ST6GAL2: variants seen among roughly 807,000 people sequenced by gnomAD.
ST6GAL2 encodes beta-galactoside alpha-2,6-sialyltransferase 2.
ST6GAL2 carries 24 observed loss-of-function variants against 37.5 expected under a neutral mutation model. The ratio of observed to expected loss-of-function variants is 0.64; its 90% CI spans 0.46 to 0.90. ST6GAL2 has a LOEUF of 0.90. Ranked by LOEUF, ST6GAL2 falls within the 40% of genes least tolerant of loss-of-function variation. The pLI, the probability that ST6GAL2 is intolerant of heterozygous loss-of-function variation, is 0.00. For missense variants in ST6GAL2, 715 were observed against 712.7 expected (o/e 1.00, Z -0.04); for synonymous variants, 306 against 295.1 (o/e 1.04, Z -0.38).
intron 1 of ST6GAL2, among the ~76,000 whole-genome samples, chr2:106,879,908 T>C (rs1022348254): frequency 2.0e-5 from 3 of 148,116 alleles, no homozygotes; most frequent in Non-Finnish European, 3.0e-5. Flanking sequence ...ACCAATTATA[T>C]ACTATTATAC....
At position 106,844,008 on chromosome 2, in the gene ST6GAL2, T is replaced by C; in HGVS notation, c.-31A>G. On this transcript the variant is annotated 5_prime_UTR_variant, in exon 2 of 6. Coordinates refer to ENST00000409382, the MANE Select transcript of ST6GAL2 (RefSeq NM_001142351.2). ...GTCTCTGCGGTCAGCACCTTGTGTC[T>C]TAATGCAGATGGGTGGCAGAATGAA... The C allele has an allele frequency of 2.0e-6, 3 of 1,518,362 alleles. No individual in the cohort carries two copies. Among genetic ancestry groups the C allele is most frequent in the Non-Finnish European group, 2.6e-6 (3 of 1,134,102 alleles). 94.1% of individuals were successfully genotyped at this position (1,518,362 alleles called of 1,614,324 possible).
chr2:106,844,341 C>T (rs79131475), intron 1 of ST6GAL2, among the ~76,000 whole-genome samples: 18,292 of 151,924 alleles, frequency 0.12, 1,402 homozygotes, highest in South Asian at 0.18. Flanking sequence ...GACACGTCTG[C>T]CTTCCCACTT....
At position 106,822,121 on chromosome 2, in the gene ST6GAL2, C is replaced by CACTGTT. The variant is rs1431814819; in HGVS notation, c.1318+7939_1318+7944dup. Among the ~76,000 whole-genome samples, 10 of 152,250 alleles carry CACTGTT rather than the reference C, an allele frequency of 6.6e-5. No individual in the cohort carries two copies. In the East Asian group the frequency reaches 1.7e-3, roughly 27 times the overall value. Reference sequence around the variant, plus strand: ...ATATGGCAAGGATGCCCACTTTCATCACTGTTATTCAACATAGCACTGAAA... The same window carrying CACTGTT: ...ATATGGCAAGGATGCCCACTTTCATCACTGTTACTGTTATTCAACATAGCACTGAAA... On this transcript the variant is annotated intron_variant, in intron 5 of 5. Transcript: ENST00000409382.
intron 5 of ST6GAL2, among the ~76,000 whole-genome samples, chr2:106,814,581 T>C (rs531071940): frequency 2.6e-5 from 4 of 151,990 alleles, no homozygotes; most frequent in Non-Finnish European, 5.9e-5. Flanking sequence ...TCCACGTCTA[T>C]GTGTATGTTG....
At chr2:106,860,083 C>G (rs1014216037) in intron 1 of ST6GAL2, among the ~76,000 whole-genome samples, 1 of 152,084 alleles carries the variant, frequency 6.6e-6, no homozygotes, top group Non-Finnish European at 1.5e-5. Context: ...TTGGCTTCCT[C>G]CTAGTTTTGT....
chr2:106,836,796 AAT>A (rs1676661533), intron 2 of ST6GAL2, among the ~76,000 whole-genome samples: 1 of 148,634 alleles, frequency 6.7e-6, no homozygotes. Context: ...AAAAAAAAAA[AAT>A]TAGCTGGGCG....
intron 5 of ST6GAL2, chr2:106,813,269 T>C (rs1415395286): frequency 4.7e-6 from 6 of 1,275,140 alleles, no homozygotes; most frequent in Non-Finnish European, 6.0e-6. Context: ...TAGTATTTTC[T>C]AGGCAATTGT....
chr2:106,836,944 C>CA (rs10700905), intron 2 of ST6GAL2, among the ~76,000 whole-genome samples: 36,035 of 85,476 alleles, frequency 0.42, 7,560 homozygotes, highest in Non-Finnish European at 0.49. Flanking sequence ...AATTCCATCT[C>CA]AAAAAAAAAA....
rs1678400017 is a variant in ST6GAL2 at position 106,874,188 on chromosome 2, G to A, written c.-58+11905C>T. On this transcript the variant is annotated intron_variant, in intron 1 of 5. Coordinates refer to ENST00000409382, the MANE Select transcript of ST6GAL2 (RefSeq NM_001142351.2). ...GAGCAAAGTCAATTATAACAGAGTA[G>A]CAAGTGTAGCAACAGAGAAATGATG... Among the ~76,000 whole-genome samples, 5 of 152,158 alleles carry A rather than the reference G, an allele frequency of 3.3e-5. No individual in the cohort carries two copies. In the South Asian group the frequency reaches 1.0e-3, roughly 32 times the overall value.
chr2:106,867,924 TTG>T (rs1428798063), intron 1 of ST6GAL2, among the ~76,000 whole-genome samples: 2 of 152,064 alleles, frequency 1.3e-5, no homozygotes, highest in African/African-American at 4.8e-5. Context: ...ACTGTCTGGG[TTG>T]TAAGTTAAAT....
chr2:106,817,481 C>A (rs983711461), intron 5 of ST6GAL2, among the ~76,000 whole-genome samples: 2 of 152,204 alleles, frequency 1.3e-5, no homozygotes, highest in Non-Finnish European at 2.9e-5. Flanking sequence ...AGAAGGGAAC[C>A]TGCTTCATGG....
chr2:106,832,509 A>C, intron 4 of ST6GAL2, 56 bp downstream of exon 4: 1 of 885,170 alleles, frequency 1.1e-6, no homozygotes, highest in Non-Finnish European at 1.8e-6. Flanking sequence ...CTTATGATTA[A>C]TTAGTCAAAG....
chr2:106,832,519 G>A (rs1463380425), intron 4 of ST6GAL2, 46 bp downstream of exon 4: 1 of 986,388 alleles, frequency 1.0e-6, no homozygotes. Flanking sequence ...ATTAGTCAAA[G>A]CCATTGTCTG....
At chr2:106,847,693 T>C (rs1375004) in intron 1 of ST6GAL2, among the ~76,000 whole-genome samples, 6,871 of 152,270 alleles carry the variant, frequency 0.045, 484 homozygotes, top group African/African-American at 0.15. Context: ...CCCTTCAGGT[T>C]CGATAATTTG....
chr2:106,805,333 T>C lies in ST6GAL2; in HGVS notation c.*1345A>G, dbSNP rs1203984837. Reference sequence around the variant, plus strand: ...AATAATAGCATGTTTAATTAAGGTATTACAGAATGTTTCTGTTTCACTATA... The same window carrying C: ...AATAATAGCATGTTTAATTAAGGTACTACAGAATGTTTCTGTTTCACTATA... On this transcript the variant is annotated 3_prime_UTR_variant, in exon 6 of 6. Transcript: ENST00000409382. The C allele has an allele frequency of 6.6e-6, 1 of 152,238 alleles. No homozygotes were observed. The highest frequency in any genetic ancestry group is 1.5e-5 in the Non-Finnish European group (1 of 68,044). The allele number at this position is 152,238 out of a possible 1,614,324, so 9.4% of individuals were successfully genotyped here.
At chr2:106,822,656 A>C (rs1676047820) in intron 5 of ST6GAL2, among the ~76,000 whole-genome samples, 1 of 152,154 alleles carries the variant, frequency 6.6e-6, no homozygotes, top group African/African-American at 2.4e-5. Context: ...CTTAAAATTT[A>C]TATGTAATCA....
intron 1 of ST6GAL2, among the ~76,000 whole-genome samples, chr2:106,884,934 TACATAC>T (rs1169823643): frequency 0.034 from 4,122 of 120,434 alleles, 145 homozygotes; most frequent in Non-Finnish European, 0.049. Context: ...TATATATATA[TACATAC>T]ACACACACAC....
At position 106,803,522 on chromosome 2, in the gene ST6GAL2, C is replaced by T. The variant is rs1675322327; in HGVS notation, c.*3156G>A. 1.3e-5 allele frequency: 2 copies of T among 152,094 alleles called. No individual in the cohort carries two copies. The highest frequency in any genetic ancestry group is 2.4e-5 in the African/African-American group (1 of 41,418). The allele number at this position is 152,094 out of a possible 1,614,324, so 9.4% of individuals were successfully genotyped here. A position where few individuals can be genotyped will look rare whatever the true frequency, so the allele number is the denominator to read the frequency against. Reference sequence around the variant, plus strand: ...AACACCAGGTCTGTTAAAGGTTACCCGTCTGCCTGGTGTGACTGGCTGGAG... The same window carrying T: ...AACACCAGGTCTGTTAAAGGTTACCTGTCTGCCTGGTGTGACTGGCTGGAG... On this transcript the variant is annotated 3_prime_UTR_variant, in exon 6 of 6. Coordinates refer to ENST00000409382, the MANE Select transcript of ST6GAL2 (RefSeq NM_001142351.2).
At chr2:106,872,433 G>A (rs1246141374) in intron 1 of ST6GAL2, among the ~76,000 whole-genome samples, 1 of 152,156 alleles carries the variant, frequency 6.6e-6, no homozygotes, top group African/African-American at 2.4e-5. Flanking sequence ...AGTCACTGAA[G>A]TCCTTTTAAG....
Sources: allele counts gnomAD v4.1 joint callset (sites outside exome capture counted in the v4.1 genomes callset), GRCh38; gene constraint gnomAD v4.1.1; transcripts MANE v1.5; gene names NCBI Gene and HGNC (gene_info 2026-07-23, HGNC 2026-07-21).